Variants in SVEP1 observed in about 807,000 individuals in gnomAD.
SVEP1 encodes sushi, von Willebrand factor type A, EGF and pentraxin domain containing 1, also known as sushi, von Willebrand factor type A, EGF and pentraxin domain-containing protein 1.
A neutral mutation model predicts 367.3 loss-of-function variants in SVEP1; 164 were observed. The observed-to-expected ratio is 0.45, with a 90% CI of 0.39 to 0.51. SVEP1 has a LOEUF of 0.51. Among genes scored for constraint, SVEP1 ranks in the 20% least tolerant of loss-of-function variants. The pLI, the probability that SVEP1 is intolerant of heterozygous loss-of-function variation, is 0.00. For missense variants in SVEP1, 4,117 were observed against 4,425.3 expected, an observed-to-expected ratio of 0.93 and a Z score of 1.98; for synonymous variants, 1,666 against 1,611.6, an observed-to-expected ratio of 1.03 and a Z score of -0.81.
At chr9:110,550,231 A>AGTC in intron 1 of SVEP1, 127 bp from the exon 2 acceptor site, 1 of 1,263,108 alleles carries the variant, frequency 7.9e-7, no homozygotes, top group South Asian at 1.4e-5. Context: ...TGGAAGCCCT[A>AGTC]GTCAGAGTAA....
intron 8 of SVEP1, among the ~76,000 whole-genome samples, chr9:110,493,832 G>A (rs930809734): frequency 6.6e-6 from 1 of 152,176 alleles, no homozygotes; most frequent in African/African-American, 2.4e-5. Flanking sequence ...TTACAGGGTT[G>A]AAATGAAAGT....
chr9:110,488,503 G>A (rs760311529), intron 9 of SVEP1, among the ~76,000 whole-genome samples: 3 of 152,040 alleles, frequency 2.0e-5, no homozygotes, highest in South Asian at 4.1e-4. Flanking sequence ...AAAAAAAGAC[G>A]GGAAAGACTA....
chr9:110,394,613 A>C (rs533710394), intron 40 of SVEP1, among the ~76,000 whole-genome samples: 5 of 152,332 alleles, frequency 3.3e-5, no homozygotes, highest in African/African-American at 4.8e-5. Context: ...AAAAAAAATT[A>C]GACGAATGGA....
intron 5 of SVEP1, among the ~76,000 whole-genome samples, chr9:110,508,077 C>T (rs1252898042): frequency 6.6e-6 from 1 of 152,206 alleles, no homozygotes; most frequent in Non-Finnish European, 1.5e-5. Flanking sequence ...AATAGGTACA[C>T]ACTTCTTAAA....
At chr9:110,450,399 A>T in intron 23 of SVEP1, 139 bp from the exon 24 acceptor site, 1 of 792,542 alleles carries the variant, frequency 1.3e-6, no homozygotes, top group South Asian at 1.8e-5. Flanking sequence ...CTGGTTTGAG[A>T]TCCATTCTGT....
Position 110,579,451 on chromosome 9 carries a change from G to A in SVEP1, c.93C>T (p.Ser31=). Reference sequence around the variant, plus strand: ...GCGCGGTCTCGGGGAAGAGGCGGAAGCTGAAATTGCGCGACGGGGACATCT... The same window carrying A: ...GCGCGGTCTCGGGGAAGAGGCGGAAACTGAAATTGCGCGACGGGGACATCT... ...FQQMSPSRNF[S]FRLFPETAPG... The change falls in exon 1 of 48, where the codon AGC becomes AGT. Residue 31 remains serine, a synonymous_variant. Coordinates refer to ENST00000374469, the MANE Select transcript of SVEP1 (RefSeq NM_153366.4). The surrounding 1 kb of genome is among the most constrained non-coding windows in gnomAD (Gnocchi z 5.3). 1 of 1,598,962 alleles carries A rather than the reference G, an allele frequency of 6.3e-7. No homozygotes were observed. Among genetic ancestry groups the A allele is most frequent in the Non-Finnish European group, 8.5e-7 (1 of 1,173,798 alleles).
Position 110,579,566 on chromosome 9 carries a change from C to T in SVEP1, c.-23G>A. 6.5e-7 allele frequency: 1 copy of T among 1,548,658 alleles called. No individual in the cohort carries two copies. Reference sequence around the variant, plus strand: ...CATCGCGCTGGAGACAGAGCGGCTGCCCCGGAGCGCAGGCGGCGGCTCGGG... The same window carrying T: ...CATCGCGCTGGAGACAGAGCGGCTGTCCCGGAGCGCAGGCGGCGGCTCGGG... On this transcript the variant is annotated 5_prime_UTR_variant, in exon 1 of 48. Coordinates refer to ENST00000374469, the MANE Select transcript of SVEP1 (RefSeq NM_153366.4). The surrounding 1 kb of genome is among the most constrained non-coding windows in gnomAD (Gnocchi z 5.3).
chr9:110,459,262 A>C (rs2118638541), intron 18 of SVEP1, 149 bp from the exon 19 acceptor site: 1 of 648,350 alleles, frequency 1.5e-6, no homozygotes, highest in Non-Finnish European at 2.4e-6. Flanking sequence ...CTTATCACCC[A>C]GGTAAATGTT....
chr9:110,564,819 TATCA>T (rs1489089195), intron 1 of SVEP1, among the ~76,000 whole-genome samples: 7 of 128,388 alleles, frequency 5.5e-5, no homozygotes, highest in African/African-American at 1.8e-4. Flanking sequence ...GTATTTAAAT[TATCA>T]ATCAATGACA....
chr9:110,532,548 G>A (rs529962800), intron 3 of SVEP1, among the ~76,000 whole-genome samples: 9 of 152,298 alleles, frequency 5.9e-5, no homozygotes, highest in Admixed American at 2.0e-4. Flanking sequence ...TGGAGCATAA[G>A]ATGCTGCAAT....
At chr9:110,385,868 G>A (rs1360313975) in intron 43 of SVEP1, 30 bp downstream of exon 43, 1 of 1,601,964 alleles carries the variant, frequency 6.2e-7, no homozygotes. Flanking sequence ...CGCACTAGCG[G>A]CATGAACTGG....
intron 9 of SVEP1, among the ~76,000 whole-genome samples, chr9:110,487,443 A>G (rs1829297475): frequency 6.6e-6 from 1 of 152,220 alleles, no homozygotes; most frequent in Non-Finnish European, 1.5e-5. Flanking sequence ...GCAAATGGTA[A>G]AGCTCATGTT....
chr9:110,492,644 AC>A (rs1829386112), intron 8 of SVEP1, among the ~76,000 whole-genome samples: 1 of 152,008 alleles, frequency 6.6e-6, no homozygotes, highest in East Asian at 1.9e-4. Context: ...AGGAGAATTG[AC>A]TTGGGTAGAG....
chr9:110,427,792 C>T lies in SVEP1; in HGVS notation c.5808-34G>A, dbSNP rs138176456. The T allele has an allele frequency of 1.3e-4, 205 of 1,587,704 alleles. 2 individuals are homozygous for T. The African/African-American group carries it at 2.5e-3, about 20-fold the overall frequency. ...AAGAATGATGTTACTCTTTCATTGG[C>T]TATGGATTTGCTGCTATGGAGATAA... On this transcript the variant is annotated intron_variant, in intron 35 of 47. Coordinates refer to ENST00000374469, the MANE Select transcript of SVEP1 (RefSeq NM_153366.4).
At chr9:110,497,155 T>C (rs1236951354) in intron 7 of SVEP1, among the ~76,000 whole-genome samples, 1 of 152,208 alleles carries the variant, frequency 6.6e-6, no homozygotes, top group Non-Finnish European at 1.5e-5. Flanking sequence ...CTTAGCCTCA[T>C]TTCTTCCTTT....
chr9:110,425,542 C>T (rs1828240966), intron 36 of SVEP1, among the ~76,000 whole-genome samples: 1 of 152,204 alleles, frequency 6.6e-6, no homozygotes, highest in Non-Finnish European at 1.5e-5. Context: ...AATAATACTT[C>T]TTCTGCCAAA....
intron 3 of SVEP1, among the ~76,000 whole-genome samples, chr9:110,514,380 G>A (rs1478786447): frequency 6.6e-6 from 1 of 152,022 alleles, no homozygotes; most frequent in Admixed American, 6.5e-5. Context: ...GGGTGTGGTG[G>A]CGTGTGCCTG....
chr9:110,556,330 C>T (rs1183753095), intron 1 of SVEP1, among the ~76,000 whole-genome samples: 2 of 152,166 alleles, frequency 1.3e-5, no homozygotes, highest in Admixed American at 6.5e-5. Flanking sequence ...AGAGAGGTCA[C>T]AGCAGATCTG....
In SVEP1 at chr9:110,379,659, C is replaced by T. The variant is rs992884; in HGVS notation, c.10238-142G>A. 5.7e-3 allele frequency: 4,884 copies of T among 859,440 alleles called. 182 individuals are homozygous for T. The African/African-American group carries it at 0.075, about 13-fold the overall frequency. The allele number at this position is 859,440 out of a possible 1,614,324, so 53.2% of individuals were successfully genotyped here. ...ACCTACTTATCTAGAATAGTAAGAA[C>T]TAAAAGAATTAACTGCTGCTGTTGA... is the stretch of plus-strand genomic sequence containing the variant. On this transcript the variant is annotated intron_variant, in intron 43 of 47. Transcript: ENST00000374469.
Sources: allele counts gnomAD v4.1 joint callset (sites outside exome capture counted in the v4.1 genomes callset), GRCh38; gene constraint gnomAD v4.1.1; non-coding constraint Gnocchi (gnomAD v3.1); transcripts MANE v1.5; gene names NCBI Gene and HGNC (gene_info 2026-07-23, HGNC 2026-07-21).